The following EPHB1 variants were observed in gnomAD, a reference collection of about 807,000 sequenced individuals.
EPHB1 encodes the protein EPH receptor B1, also known as ephrin type-B receptor 1.
A neutral mutation model predicts 94.4 loss-of-function variants in EPHB1; 30 were observed. That is an observed-to-expected ratio of 0.32 (90% CI 0.24 to 0.43). The LOEUF (loss-of-function observed/expected upper bound fraction) is 0.43. Ranked by LOEUF, EPHB1 falls within the 20% of genes least tolerant of loss-of-function variation. The pLI is 1.00. For missense variants in EPHB1, 1,055 were observed against 1,308.3 expected, an observed-to-expected ratio of 0.81 and a Z score of 2.99; for synonymous variants, 522 against 489.1, an observed-to-expected ratio of 1.07 and a Z score of -0.89.
intron 1 of EPHB1, among the ~76,000 whole-genome samples, chr3:134,835,734 A>T (rs949181057): frequency 2.6e-5 from 4 of 152,208 alleles, no homozygotes; most frequent in African/African-American, 9.6e-5. Context: ...CTGTGAAGGG[A>T]ATAGCCTGAG....
At chr3:135,207,951 T>A (rs1447154024) in intron 12 of EPHB1, among the ~76,000 whole-genome samples, 1 of 152,216 alleles carries the variant, frequency 6.6e-6, no homozygotes, top group Non-Finnish European at 1.5e-5. Context: ...ATAAACTAAC[T>A]GCAGTCACCT....
chr3:135,018,094 G>A (rs927784325), intron 3 of EPHB1, among the ~76,000 whole-genome samples: 6 of 152,036 alleles, frequency 3.9e-5, no homozygotes, highest in South Asian at 2.1e-4. Flanking sequence ...TTGAAAGGTG[G>A]ACAAGTCTTT....
intron 3 of EPHB1, among the ~76,000 whole-genome samples, chr3:134,990,972 G>A (rs1435326906): frequency 2.6e-5 from 4 of 151,994 alleles, no homozygotes; most frequent in South Asian, 2.1e-4. Context: ...AAATCCTTAC[G>A]GATAACTTTC....
chr3:135,051,879 T>C (rs1937179472), intron 3 of EPHB1, among the ~76,000 whole-genome samples: 1 of 152,162 alleles, frequency 6.6e-6, no homozygotes, highest in African/African-American at 2.4e-5. Context: ...CATCTTTCAT[T>C]CCTATCCACT....
intron 3 of EPHB1, among the ~76,000 whole-genome samples, chr3:135,076,371 A>T (rs1700363461): frequency 6.6e-6 from 1 of 152,018 alleles, no homozygotes; most frequent in African/African-American, 2.4e-5. Context: ...TACACATGAA[A>T]ATATGCCCAA....
At chr3:134,838,954 C>T (rs1578127346) in intron 1 of EPHB1, among the ~76,000 whole-genome samples, 1 of 152,302 alleles carries the variant, frequency 6.6e-6, no homozygotes, top group South Asian at 2.1e-4. Flanking sequence ...GTAACATGTT[C>T]AAGTAAATTA....
At chr3:135,112,597 T>A (rs542847561) in intron 4 of EPHB1, among the ~76,000 whole-genome samples, 1 of 139,300 alleles carries the variant, frequency 7.2e-6, no homozygotes, top group South Asian at 2.4e-4. Flanking sequence ...TGTCCATGTG[T>A]TCTCACTGTT....
intron 3 of EPHB1, among the ~76,000 whole-genome samples, chr3:135,047,627 T>C (rs1032393197): frequency 6.6e-6 from 1 of 152,230 alleles, no homozygotes; most frequent in Non-Finnish European, 1.5e-5. Flanking sequence ...AGTGCATTGA[T>C]TCTCTCATTC....
At chr3:135,213,186 T>A (rs992373574) in intron 12 of EPHB1, among the ~76,000 whole-genome samples, 2 of 152,128 alleles carry the variant, frequency 1.3e-5, no homozygotes, top group African/African-American at 4.8e-5. Context: ...AGATCGCTAT[T>A]TCTAGCCCCA....
At chr3:135,121,466 C>T (rs1404529653) in intron 4 of EPHB1, among the ~76,000 whole-genome samples, 2 of 152,226 alleles carry the variant, frequency 1.3e-5, no homozygotes, top group African/African-American at 4.8e-5. Flanking sequence ...ACCTATTCCT[C>T]TGTTGTGCCA....
chr3:134,819,669 T>G (rs1300428266), intron 1 of EPHB1, among the ~76,000 whole-genome samples: 6 of 152,174 alleles, frequency 3.9e-5, no homozygotes, highest in Non-Finnish European at 1.5e-5. Context: ...GTCCCTACCC[T>G]GCACATCCCT....
chr3:135,103,943 T>C (rs570434883), intron 3 of EPHB1, among the ~76,000 whole-genome samples: 2 of 152,338 alleles, frequency 1.3e-5, no homozygotes, highest in South Asian at 4.1e-4. Context: ...CACTTGTGGA[T>C]ATCAGGACAA....
In EPHB1 at chr3:135,192,631, C is replaced by T. The variant is rs761326171; in HGVS notation, c.1938C>T (p.Ile646=). Residue 646 remains isoleucine, a synonymous_variant, in exon 11 of 16, where the codon ATC becomes ATT. Coordinates refer to ENST00000398015, the MANE Select transcript of EPHB1 (RefSeq NM_004441.5). ...GRLKLPGKRE[I]YVAIKTLKAG... ...TGAAACTGCCAGGCAAGAGGGAAAT[C>T]TACGTGGCCATCAAGACCCTGAAGG... The T allele has an allele frequency of 1.2e-6, 2 of 1,614,050 alleles. No individual in the cohort carries two copies. The highest frequency in any genetic ancestry group is 8.5e-7 in the Non-Finnish European group (1 of 1,179,972).
intron 3 of EPHB1, among the ~76,000 whole-genome samples, chr3:134,963,510 T>C (rs1173715107): frequency 6.6e-6 from 1 of 152,114 alleles, no homozygotes; most frequent in African/African-American, 2.4e-5. Flanking sequence ...GCTAATACAG[T>C]GTGGCTGTCA....
chr3:135,256,847 G>A (rs1933416146), intron 15 of EPHB1, among the ~76,000 whole-genome samples: 1 of 151,168 alleles, frequency 6.6e-6, no homozygotes, highest in Non-Finnish European at 1.5e-5. Flanking sequence ...ATCACTTTCA[G>A]GTACACCAAT....
intron 3 of EPHB1, among the ~76,000 whole-genome samples, chr3:135,017,730 C>T (rs1387278993): frequency 1.3e-5 from 2 of 152,278 alleles, no homozygotes; most frequent in East Asian, 3.9e-4. Flanking sequence ...GCTCCTGTTG[C>T]CCAAGCACCT....
chr3:135,068,982 A>T (rs984905357), intron 3 of EPHB1, among the ~76,000 whole-genome samples: 3 of 149,692 alleles, frequency 2.0e-5, no homozygotes, highest in South Asian at 2.1e-4. Flanking sequence ...ATAATAGGTA[A>T]ACTGGGTTTC....
At chr3:134,981,100 A>G (rs1934385545) in intron 3 of EPHB1, among the ~76,000 whole-genome samples, 1 of 152,204 alleles carries the variant, frequency 6.6e-6, no homozygotes, top group South Asian at 2.1e-4. Flanking sequence ...GGGTCTCCTG[A>G]AACACAGATT....
chr3:135,101,990 A>G (rs753689034), intron 3 of EPHB1, among the ~76,000 whole-genome samples: 2 of 152,076 alleles, frequency 1.3e-5, no homozygotes, highest in Non-Finnish European at 2.9e-5. Context: ...ACCCTGCTCT[A>G]TTCCCCTAGC....
Sources: gnomAD v4.1 joint callset for allele counts (sites outside exome capture counted in the v4.1 genomes callset) on GRCh38, gnomAD v4.1.1 for gene constraint, MANE v1.5 for transcripts, NCBI Gene and HGNC (gene_info 2026-07-23, HGNC 2026-07-21) for gene names.